Variants in CATSPERE observed in about 807,000 individuals in gnomAD.
CATSPERE encodes catsper channel auxiliary subunit epsilon, also known as cation channel sperm-associated auxiliary subunit epsilon.
Under a neutral mutation model 114.1 loss-of-function variants are expected in CATSPERE, and 93 were observed. That is an observed-to-expected ratio of 0.81 (90% CI 0.69 to 0.97). The LOEUF is 0.97. CATSPERE is among the 50% of genes least tolerant of loss of function. CATSPERE has a pLI of 0.00. For synonymous variants in CATSPERE, 341 were observed against 384.1 expected, an observed-to-expected ratio of 0.89 and a Z score of 1.31; for missense variants, 1,058 against 1,131.6, an observed-to-expected ratio of 0.93 and a Z score of 0.93.
chr1:244,490,431 C>A lies in CATSPERE; in HGVS notation c.327-16C>A. 6.5e-7 allele frequency: 1 copy of A among 1,531,362 alleles called. No homozygotes were observed. The highest frequency in any genetic ancestry group is 9.0e-7 in the Non-Finnish European group (1 of 1,112,442). 94.9% of individuals were successfully genotyped at this position (1,531,362 alleles called of 1,614,324 possible). ...CAGGCTGTTTACTAAAATATGTTTC[C>A]TCTTTTTCCAAGCAGACATTTCTTT... On this transcript the variant is annotated splice_polypyrimidine_tract_variant and intron_variant, in intron 5 of 21. Transcript: ENST00000366534.
chr1:244,592,322 A>G (rs1168579291), intron 15 of CATSPERE, among the ~76,000 whole-genome samples: 1 of 152,154 alleles, frequency 6.6e-6, no homozygotes, highest in Non-Finnish European at 1.5e-5. Context: ...TAGATTTTAT[A>G]TTTAATTGTA....
chr1:244,461,437 C>T lies in CATSPERE; in HGVS notation c.8C>T (p.Ala3Val), dbSNP rs555071608. The T allele has an allele frequency of 2.2e-6, 3 of 1,384,758 alleles. No homozygotes were observed. The highest frequency in any genetic ancestry group is 2.8e-6 in the Non-Finnish European group (3 of 1,059,610). The allele number at this position is 1,384,758 out of a possible 1,614,324, so 85.8% of individuals were successfully genotyped here. A position where few individuals can be genotyped will look rare whatever the true frequency, so the allele number is the denominator to read the frequency against. Residue 3 changes from alanine to valine, a missense_variant, in exon 1 of 22, where the codon GCC (alanine) becomes GTC (valine). Ala to Val is a moderately conservative substitution (Grantham distance 64). Coordinates refer to ENST00000366534, the MANE Select transcript of CATSPERE (RefSeq NM_001130957.2). ...GGAGGCGGAGCAGGCGCCATGTCAGCCCGGGAAGTGGCCGTGCTGCTGCTG... is the reference window on the plus strand; with the variant it reads ...GGAGGCGGAGCAGGCGCCATGTCAGTCCGGGAAGTGGCCGTGCTGCTGCTG... Reference protein sequence around the residue: MSAREVAVLLLWL... With the variant: MSVREVAVLLLWL...
At chr1:244,632,115 G>A (rs1674018980) in intron 20 of CATSPERE, among the ~76,000 whole-genome samples, 1 of 152,066 alleles carries the variant, frequency 6.6e-6, no homozygotes, top group East Asian at 1.9e-4. Context: ...AAATACTGTG[G>A]CCATGTGTGG....
chr1:244,616,170 G>A (rs1329341646), intron 19 of CATSPERE, among the ~76,000 whole-genome samples: 1 of 152,044 alleles, frequency 6.6e-6, no homozygotes, highest in African/African-American at 2.4e-5. Flanking sequence ...TTCAACAAAT[G>A]TATCTTGACT....
At chr1:244,477,161 A>G (rs1356492806) in intron 2 of CATSPERE, among the ~76,000 whole-genome samples, 2 of 151,924 alleles carry the variant, frequency 1.3e-5, no homozygotes, top group Non-Finnish European at 2.9e-5. Flanking sequence ...ACGCCCAGCT[A>G]ATTTTTGTAT....
At chr1:244,523,868 T>C (rs112006502) in intron 8 of CATSPERE, among the ~76,000 whole-genome samples, 29 of 148,476 alleles carry the variant, frequency 2.0e-4, no homozygotes, top group African/African-American at 6.1e-4. Context: ...ACATTCCATG[T>C]TCATGGGTAG....
At chr1:244,553,585 A>AC (rs1661024534) in intron 9 of CATSPERE, among the ~76,000 whole-genome samples, 1 of 123,420 alleles carries the variant, frequency 8.1e-6, no homozygotes. Context: ...CGTCTCAAAA[A>AC]AAAAAAAAAA....
chr1:244,535,697 C>G (rs3005976), intron 8 of CATSPERE, among the ~76,000 whole-genome samples: 132,502 of 152,144 alleles, frequency 0.87, 58,647 homozygotes, highest in East Asian at 1. Flanking sequence ...AAAAATGCTG[C>G]AAATGCTGTC....
chr1:244,592,476 A>G (rs887637936), intron 15 of CATSPERE, among the ~76,000 whole-genome samples: 4 of 152,158 alleles, frequency 2.6e-5, no homozygotes, highest in African/African-American at 9.6e-5. Context: ...AGCCTCTGAA[A>G]TATTTACAAG....
At position 244,591,667 on chromosome 1, in the gene CATSPERE, TTTGTC is replaced by T; in HGVS notation, c.2139-11_2139-7del. On this transcript the variant is annotated splice_polypyrimidine_tract_variant and intron_variant, in intron 14 of 21. Coordinates refer to ENST00000366534, the MANE Select transcript of CATSPERE (RefSeq NM_001130957.2). ...AAATGATATTTCAACTTCATTATGTTTTGTCTTTTGTAGATTTAGTAAAAAAGGAT... is the reference window on the plus strand; with the variant it reads ...AAATGATATTTCAACTTCATTATGTTTTTTGTAGATTTAGTAAAAAAGGAT... 1.4e-6 allele frequency: 2 copies of T among 1,436,618 alleles called. No individual in the cohort carries two copies. Among genetic ancestry groups the T allele is most frequent in the Non-Finnish European group, 1.9e-6 (2 of 1,033,502 alleles). The allele number at this position is 1,436,618 out of a possible 1,614,324, so 89.0% of individuals were successfully genotyped here. A position where few individuals can be genotyped will look rare whatever the true frequency, so the allele number is the denominator to read the frequency against.
intron 2 of CATSPERE, among the ~76,000 whole-genome samples, chr1:244,474,739 T>TC (rs1161733733): frequency 1.3e-4 from 18 of 138,310 alleles, no homozygotes; most frequent in Admixed American, 1.4e-4. Context: ...TTCTTCTTCT[T>TC]TTTTTTTTTT....
chr1:244,493,620 AG>A (rs1672604717), intron 6 of CATSPERE, among the ~76,000 whole-genome samples: 1 of 152,198 alleles, frequency 6.6e-6, no homozygotes, highest in African/African-American at 2.4e-5. Flanking sequence ...TAAACTAAAG[AG>A]CTTCTGCACA....
At chr1:244,461,032 G>A, upstream of CATSPERE, among the ~76,000 whole-genome samples, 1 of 152,242 alleles carries the variant, frequency 6.6e-6, no homozygotes, top group East Asian at 1.9e-4. Context: ...TGGGCTAAAA[G>A]ACACACTACC....
intron 6 of CATSPERE, among the ~76,000 whole-genome samples, chr1:244,496,152 A>T (rs1475848901): frequency 6.6e-6 from 1 of 152,252 alleles, no homozygotes; most frequent in African/African-American, 2.4e-5. Context: ...AAAGAAACCA[A>T]TCGTTTAAAC....
At position 244,477,597 on chromosome 1, in the gene CATSPERE, T is replaced by C. The variant is rs1272767055; in HGVS notation, c.171T>C (p.Cys57=). Residue 57 remains cysteine (C), a synonymous_variant, in exon 3 of 22, where the codon TGT becomes TGC. Transcript: ENST00000366534. The part of the protein sequence containing the change: ...LFTEWSVPET[C]FVLNKSSPTT... ...CTGAGTGGAGTGTGCCAGAAACTTG[T>C]TTTGTGCTAAATAAAAGGTAAGATT... is the stretch of plus-strand genomic sequence containing the variant. 6.3e-7 allele frequency: 1 copy of C among 1,593,066 alleles called. No homozygotes were observed.
intron 5 of CATSPERE, among the ~76,000 whole-genome samples, chr1:244,489,158 C>G (rs1671543221): frequency 6.6e-6 from 1 of 152,086 alleles, no homozygotes; most frequent in South Asian, 2.1e-4. Context: ...GAGACACGTT[C>G]TTACTATGTG....
intron 13 of CATSPERE, among the ~76,000 whole-genome samples, chr1:244,584,540 ATATAT>A (rs1024877723): frequency 3.4e-5 from 4 of 118,858 alleles, no homozygotes; most frequent in Non-Finnish European, 5.3e-5. Context: ...TTACTATATT[ATATAT>A]TATATTATAG....
intron 20 of CATSPERE, among the ~76,000 whole-genome samples, chr1:244,619,222 C>T (rs1229990150): frequency 6.6e-6 from 1 of 152,056 alleles, no homozygotes; most frequent in South Asian, 2.1e-4. Flanking sequence ...CAGGAGCATA[C>T]ATAAGTTAGC....
At chr1:244,511,234 G>C (rs1391867280) in intron 7 of CATSPERE, among the ~76,000 whole-genome samples, 1 of 151,920 alleles carries the variant, frequency 6.6e-6, no homozygotes, top group Non-Finnish European at 1.5e-5. Context: ...CTCTTTTTAT[G>C]GTTTTTGACT....
Sources: allele counts gnomAD v4.1 joint callset (sites outside exome capture counted in the v4.1 genomes callset), GRCh38; gene constraint gnomAD v4.1.1; transcripts MANE v1.5; gene names NCBI Gene and HGNC (gene_info 2026-07-23, HGNC 2026-07-21).